The following PCDH9 variants were observed in gnomAD, a reference collection of about 807,000 sequenced individuals.
The protein encoded by PCDH9 is protocadherin 9, also known as protocadherin-9.
Under a neutral mutation model 70.6 loss-of-function variants are expected in PCDH9, and 24 were observed. The observed-to-expected ratio is 0.34, with a 90% CI of 0.25 to 0.48. The LOEUF (loss-of-function observed/expected upper bound fraction) is 0.48. Among genes scored for constraint, PCDH9 ranks in the 20% least tolerant of loss-of-function variants. PCDH9 has a pLI of 0.99. For missense variants in PCDH9, 1,281 were observed against 1,503.6 expected (o/e 0.85, Z 2.45); for synonymous variants, 562 against 558.5 (o/e 1.01, Z -0.09).
intron 3 of PCDH9, among the ~76,000 whole-genome samples, chr13:66,831,515 G>A (rs1338879583): frequency 6.6e-6 from 1 of 152,156 alleles, no homozygotes; most frequent in Non-Finnish European, 1.5e-5. Flanking sequence ...GAGTCAGGAA[G>A]ATGACACCGA....
intron 2 of PCDH9, among the ~76,000 whole-genome samples, chr13:67,097,538 T>G (rs1047182516): frequency 2.0e-5 from 3 of 152,118 alleles, no homozygotes; most frequent in African/African-American, 7.2e-5. Context: ...AAGGGACAAA[T>G]TATGTCTATA....
chr13:66,372,005 T>A (rs1956664200), intron 4 of PCDH9, among the ~76,000 whole-genome samples: 1 of 152,034 alleles, frequency 6.6e-6, no homozygotes, highest in Admixed American at 6.6e-5. Context: ...TATCACCATC[T>A]TTAAGAATCT....
chr13:66,463,476 G>T (rs947241220), intron 4 of PCDH9, among the ~76,000 whole-genome samples: 1 of 151,828 alleles, frequency 6.6e-6, no homozygotes, highest in Non-Finnish European at 1.5e-5. Context: ...AGAAAAAAAA[G>T]AGAGGAGAGA....
intron 2 of PCDH9, among the ~76,000 whole-genome samples, chr13:66,990,538 T>C (rs897336458): frequency 7.0e-6 from 1 of 142,772 alleles, no homozygotes; most frequent in Non-Finnish European, 1.5e-5. Flanking sequence ...TATATACTCA[T>C]ATATACAGAA....
At chr13:67,137,408 G>T (rs1459047653) in intron 2 of PCDH9, among the ~76,000 whole-genome samples, 1 of 152,098 alleles carries the variant, frequency 6.6e-6, no homozygotes, top group Non-Finnish European at 1.5e-5. Context: ...AGCCTGCTTT[G>T]TCAAGTGCAA....
At chr13:66,694,911 T>C (rs1170392356) in intron 3 of PCDH9, among the ~76,000 whole-genome samples, 1 of 151,624 alleles carries the variant, frequency 6.6e-6, no homozygotes, top group African/African-American at 2.4e-5. Context: ...CATACTTTTT[T>C]TTTTTTTTTT....
intron 3 of PCDH9, among the ~76,000 whole-genome samples, chr13:66,801,014 C>CTT (rs34026647): frequency 0.39 from 53,301 of 137,810 alleles, 10,874 homozygotes; most frequent in Non-Finnish European, 0.44. Context: ...TCTTTCTTTC[C>CTT]TTTTTTTTTT....
At chr13:66,624,554 A>G (rs1015334278) in intron 4 of PCDH9, among the ~76,000 whole-genome samples, 1 of 152,150 alleles carries the variant, frequency 6.6e-6, no homozygotes, top group Admixed American at 6.5e-5. Flanking sequence ...TCTCTTGGGC[A>G]CCCTACAGGC....
At chr13:67,141,939 A>G (rs2087402596) in intron 2 of PCDH9, among the ~76,000 whole-genome samples, 2 of 152,076 alleles carry the variant, frequency 1.3e-5, no homozygotes, top group Non-Finnish European at 2.9e-5. Flanking sequence ...ATCGTCGGTA[A>G]GAGTCGCTTC....
intron 4 of PCDH9, among the ~76,000 whole-genome samples, chr13:66,563,065 G>A (rs1290095659): frequency 6.6e-6 from 1 of 152,052 alleles, no homozygotes; most frequent in African/African-American, 2.4e-5. Context: ...TAACATTCAT[G>A]GGTTTTGCTG....
At chr13:67,194,923 C>G (rs907178915) in intron 2 of PCDH9, among the ~76,000 whole-genome samples, 1 of 151,870 alleles carries the variant, frequency 6.6e-6, no homozygotes, top group African/African-American at 2.4e-5. Context: ...AATATGAGAC[C>G]GTTTATCAAA....
chr13:66,629,390 A>C (rs2055357261), intron 4 of PCDH9, among the ~76,000 whole-genome samples: 1 of 152,204 alleles, frequency 6.6e-6, no homozygotes. Flanking sequence ...AGATGTTTTA[A>C]AATTGGAGAG....
intron 3 of PCDH9, among the ~76,000 whole-genome samples, chr13:66,726,478 G>A (rs2079007288): frequency 6.6e-6 from 1 of 152,098 alleles, no homozygotes; most frequent in Non-Finnish European, 1.5e-5. Flanking sequence ...ATTAGAGTGA[G>A]AAGATCCAAG....
chr13:66,684,974 A>T (rs923843442), intron 3 of PCDH9, among the ~76,000 whole-genome samples: 1 of 152,128 alleles, frequency 6.6e-6, no homozygotes, highest in Non-Finnish European at 1.5e-5. Context: ...AAAAGCAATC[A>T]GTTTTATGTA....
chr13:67,048,752 GGCCTCT>G (rs1194722500), intron 2 of PCDH9, among the ~76,000 whole-genome samples: 1 of 152,126 alleles, frequency 6.6e-6, no homozygotes, highest in Non-Finnish European at 1.5e-5. Context: ...TTACAGACAG[GGCCTCT>G]GCCTTACTCA....
rs149796269 is a variant in PCDH9, at chr13:66,637,135, T to C, written c.3139-5724A>G. On this transcript the variant is annotated intron_variant, in intron 3 of 4. Coordinates refer to ENST00000377865, the MANE Select transcript of PCDH9 (RefSeq NM_203487.3). ...TAAGTTCCTCAATACGGTCTTACCA[T>C]CTTAAATCAATGCATGCACACATTT... Among the ~76,000 whole-genome samples, 462 of 152,290 alleles carry C rather than the reference T, an allele frequency of 3.0e-3. 1 individual carries two copies. The highest frequency in any genetic ancestry group is 0.011 in the African/African-American group (439 of 41,580).
At chr13:66,441,280 C>A (rs1381454139) in intron 4 of PCDH9, among the ~76,000 whole-genome samples, 3 of 152,102 alleles carry the variant, frequency 2.0e-5, no homozygotes, top group Admixed American at 6.6e-5. Flanking sequence ...GTCTGAATAT[C>A]ACCAGTGTTT....
At chr13:66,446,381 T>A (rs886541749) in intron 4 of PCDH9, among the ~76,000 whole-genome samples, 3 of 152,098 alleles carry the variant, frequency 2.0e-5, no homozygotes, top group Admixed American at 1.3e-4. Context: ...ACTGTGGATT[T>A]GCATGTTTAT....
chr13:67,125,843 G>A lies in PCDH9; in HGVS notation c.3036+99562C>T, dbSNP rs370689709. ...TTTAAAAATGTGTGTATATATATAT[G>A]TGTGTGTGTGTGTGTGTGTATGTAT... is the stretch of plus-strand genomic sequence containing the variant. On this transcript the variant is annotated intron_variant, in intron 2 of 4. Transcript: ENST00000377865. 8.0e-3 allele frequency among the ~76,000 whole-genome samples: 974 copies of A among 121,024 alleles called. 8 individuals carry two copies. Among genetic ancestry groups the A allele is most frequent in the Non-Finnish European group, 0.013 (725 of 53,944 alleles). The allele number at this position is 121,024 out of a possible 152,430, so 79.4% of individuals were successfully genotyped here.
Sources: allele counts gnomAD v4.1 joint callset (sites outside exome capture counted in the v4.1 genomes callset), GRCh38; gene constraint gnomAD v4.1.1; transcripts MANE v1.5; gene names NCBI Gene and HGNC (gene_info 2026-07-23, HGNC 2026-07-21).